TRABD2B: variants seen among roughly 807,000 people sequenced by gnomAD.
The protein encoded by TRABD2B is metalloprotease TIKI2.
A neutral mutation model predicts 40.1 loss-of-function variants in TRABD2B; 14 were observed. The ratio of observed to expected loss-of-function variants is 0.35; its 90% CI spans 0.23 to 0.55. The LOEUF is 0.55. Ranked by LOEUF, TRABD2B falls within the 20% of genes least tolerant of loss-of-function variation. The pLI, the probability that TRABD2B is intolerant of heterozygous loss-of-function variation, is 0.90. For synonymous variants in TRABD2B, 263 were observed against 277.0 expected, an observed-to-expected ratio of 0.95 and a Z score of 0.50; for missense variants, 541 against 648.6, an observed-to-expected ratio of 0.83 and a Z score of 1.80.
At chr1:47,892,787 A>G (rs926931693) in intron 2 of TRABD2B, among the ~76,000 whole-genome samples, 3 of 152,234 alleles carry the variant, frequency 2.0e-5, no homozygotes, top group African/African-American at 7.2e-5. Context: ...TGTATCACAC[A>G]CTGGAGGAAA....
At chr1:47,884,865 C>T (rs986472885) in intron 2 of TRABD2B, among the ~76,000 whole-genome samples, 1 of 152,134 alleles carries the variant, frequency 6.6e-6, no homozygotes, top group Non-Finnish European at 1.5e-5. Context: ...ATCCACCCAC[C>T]TCAGCCTCTC....
intron 2 of TRABD2B, among the ~76,000 whole-genome samples, chr1:47,878,085 G>C (rs1416999682): frequency 6.6e-6 from 1 of 151,866 alleles, no homozygotes. Context: ...GAGGCTGAGG[G>C]AGGTGGATCA....
chr1:47,780,373 T>C (rs1269918352), intron 4 of TRABD2B, among the ~76,000 whole-genome samples: 1 of 152,220 alleles, frequency 6.6e-6, no homozygotes, highest in Non-Finnish European at 1.5e-5. Context: ...GAGACCCTTA[T>C]GAAAAGATAC....
chr1:47,766,651 C>T (rs1644307712), intron 6 of TRABD2B, among the ~76,000 whole-genome samples: 1 of 152,184 alleles, frequency 6.6e-6, no homozygotes. Flanking sequence ...AAATGGGTCT[C>T]ATTGCTCCCT....
intron 2 of TRABD2B, among the ~76,000 whole-genome samples, chr1:47,925,354 C>G (rs1471920669): frequency 6.6e-6 from 1 of 151,924 alleles, no homozygotes; most frequent in African/African-American, 2.4e-5. Flanking sequence ...AAGCAAAGAA[C>G]AAGGATATGA....
At chr1:47,971,770 A>G (rs1195921405) in intron 2 of TRABD2B, among the ~76,000 whole-genome samples, 1 of 152,214 alleles carries the variant, frequency 6.6e-6, no homozygotes, top group Non-Finnish European at 1.5e-5. Context: ...ATTCACCCAG[A>G]AAGAAAAATT....
chr1:47,819,759 G>C (rs1645081210), intron 2 of TRABD2B: 3 of 152,158 alleles, frequency 2.0e-5, no homozygotes, highest in Non-Finnish European at 4.4e-5. Flanking sequence ...GTAATCCTTA[G>C]ATACACAGTT....
At chr1:47,956,400 G>A (rs1320604267) in intron 2 of TRABD2B, among the ~76,000 whole-genome samples, 1 of 152,208 alleles carries the variant, frequency 6.6e-6, no homozygotes, top group Non-Finnish European at 1.5e-5. Context: ...GCTGAAGCAG[G>A]GCGGGGCATC....
intron 2 of TRABD2B, among the ~76,000 whole-genome samples, chr1:47,875,106 G>C (rs575679737): frequency 1.3e-4 from 19 of 151,860 alleles, no homozygotes; most frequent in Non-Finnish European, 2.6e-4. Flanking sequence ...AAGGCTCATG[G>C]GCTCAGACTG....
intron 2 of TRABD2B, among the ~76,000 whole-genome samples, chr1:47,804,210 C>T (rs1226241597): frequency 6.6e-6 from 1 of 152,232 alleles, no homozygotes; most frequent in Non-Finnish European, 1.5e-5. Context: ...GGGCCTTCTC[C>T]AGGCCTCTAG....
intron 2 of TRABD2B, among the ~76,000 whole-genome samples, chr1:47,814,756 TGACA>T (rs747986165): frequency 6.6e-6 from 1 of 152,192 alleles, no homozygotes; most frequent in Non-Finnish European, 1.5e-5. Flanking sequence ...TCTGTGGTGC[TGACA>T]GTCCAGGGAA....
intron 2 of TRABD2B, among the ~76,000 whole-genome samples, chr1:47,885,623 C>A (rs558755178): frequency 6.6e-6 from 1 of 152,032 alleles, no homozygotes; most frequent in Non-Finnish European, 1.5e-5. Flanking sequence ...TGGGTTGAAG[C>A]GGGAGGCAGG....
chr1:47,970,294 A>G (rs1645663059), intron 2 of TRABD2B, among the ~76,000 whole-genome samples: 1 of 151,514 alleles, frequency 6.6e-6, no homozygotes, highest in Non-Finnish European at 1.5e-5. Context: ...AGGTCTTTTG[A>G]CTTTTAGTTC....
intron 2 of TRABD2B, among the ~76,000 whole-genome samples, chr1:47,827,665 T>C (rs1050420980): frequency 2.0e-5 from 3 of 152,322 alleles, no homozygotes; most frequent in Non-Finnish European, 4.4e-5. Context: ...GCTCTGAGAA[T>C]GGGAGCTGAG....
rs138622793 is a variant in TRABD2B at position 47,863,153 on chromosome 1, G to A, written c.667-61534C>T. Among the ~76,000 whole-genome samples the A allele has an allele frequency of 3.5e-4, 53 of 151,598 alleles. No individual in the cohort carries two copies. The Middle Eastern group carries it at 0.02, about 58-fold the overall frequency. On this transcript the variant is annotated intron_variant, in intron 2 of 6. Coordinates refer to ENST00000606738, the MANE Select transcript of TRABD2B (RefSeq NM_001194986.2). Reference sequence around the variant, plus strand: ...AGAAAATCTAGATGGCTTTCAGTTTGGTGGTGACTTTTTAGATAGGACACC... The same window carrying A: ...AGAAAATCTAGATGGCTTTCAGTTTAGTGGTGACTTTTTAGATAGGACACC...
intron 2 of TRABD2B, among the ~76,000 whole-genome samples, chr1:47,936,302 A>G (rs1645105699): frequency 6.6e-6 from 1 of 152,228 alleles, no homozygotes; most frequent in Non-Finnish European, 1.5e-5. Context: ...CCACCCTAAG[A>G]GCAGCCCTAC....
intron 2 of TRABD2B, among the ~76,000 whole-genome samples, chr1:47,836,360 G>A (rs899042333): frequency 3.3e-5 from 5 of 152,238 alleles, no homozygotes; most frequent in Non-Finnish European, 7.3e-5. Flanking sequence ...GACTGTGGGA[G>A]GCCACCCTGG....
At chr1:47,799,063 G>C (rs1301015609) in intron 3 of TRABD2B, among the ~76,000 whole-genome samples, 4 of 152,230 alleles carry the variant, frequency 2.6e-5, no homozygotes, top group African/African-American at 4.8e-5. Flanking sequence ...GGAGACCTCT[G>C]AGGCAGTTCC....
intron 2 of TRABD2B, among the ~76,000 whole-genome samples, chr1:47,810,976 C>T (rs1339105379): frequency 6.6e-6 from 1 of 152,200 alleles, no homozygotes; most frequent in Non-Finnish European, 1.5e-5. Flanking sequence ...TGCGTCAGCT[C>T]ATGCACAGGG....
Sources: gnomAD v4.1 joint callset for allele counts (sites outside exome capture counted in the v4.1 genomes callset) on GRCh38, gnomAD v4.1.1 for gene constraint, MANE v1.5 for transcripts, NCBI Gene and HGNC (gene_info 2026-07-23, HGNC 2026-07-21) for gene names.